Variants in LUZP2 observed in about 807,000 individuals in gnomAD.
The protein encoded by LUZP2 is leucine zipper protein 2.
LUZP2 carries 52 observed loss-of-function variants against 51.6 expected under a neutral mutation model. That is an observed-to-expected ratio of 1.01 (90% confidence interval 0.81 to 1.27). The LOEUF is 1.27. Ranked by LOEUF, LUZP2 falls within the 50% of genes most tolerant of loss-of-function variation. The pLI, the probability that LUZP2 is intolerant of heterozygous loss-of-function variation, is 0.00. For synonymous variants in LUZP2, 154 were observed against 137.3 expected, an observed-to-expected ratio of 1.12 and a Z score of -0.85; for missense variants, 436 against 395.4, an observed-to-expected ratio of 1.10 and a Z score of -0.87.
At chr11:24,907,310 A>C (rs1467985153) in intron 6 of LUZP2, among the ~76,000 whole-genome samples, 1 of 151,720 alleles carries the variant, frequency 6.6e-6, no homozygotes, top group Non-Finnish European at 1.5e-5. Context: ...AAAAAAAAAA[A>C]AAAAACATTA....
chr11:24,992,319 C>T (rs1343951522), intron 9 of LUZP2, among the ~76,000 whole-genome samples: 3 of 151,950 alleles, frequency 2.0e-5, no homozygotes, highest in African/African-American at 7.2e-5. Context: ...TTATTGTACT[C>T]TATTTTGGAA....
chr11:24,828,529 T>C (rs1850607356), intron 5 of LUZP2, among the ~76,000 whole-genome samples: 1 of 144,764 alleles, frequency 6.9e-6, no homozygotes, highest in African/African-American at 2.6e-5. Context: ...GCACTACAGA[T>C]ACCTTGCACA....
intron 1 of LUZP2, among the ~76,000 whole-genome samples, chr11:24,574,384 T>C (rs1375698128): frequency 2.1e-5 from 2 of 93,804 alleles, no homozygotes; most frequent in Non-Finnish European, 4.9e-5. Context: ...CTTCTTTTCT[T>C]CTTTCTTTCA....
intron 5 of LUZP2, among the ~76,000 whole-genome samples, chr11:24,895,723 G>T (rs1853020783): frequency 1.3e-5 from 2 of 152,220 alleles, no homozygotes; most frequent in Admixed American, 6.5e-5. Context: ...ATTCCATGGT[G>T]TATATGTACC....
At chr11:24,740,803 A>G (rs111769976) in intron 4 of LUZP2, among the ~76,000 whole-genome samples, 19 of 152,212 alleles carry the variant, frequency 1.2e-4, no homozygotes, top group African/African-American at 4.1e-4. Context: ...TAAGCAAGTC[A>G]TTTGATTTCT....
chr11:24,883,652 T>G (rs1309020527), intron 5 of LUZP2, among the ~76,000 whole-genome samples: 1 of 152,078 alleles, frequency 6.6e-6, no homozygotes, highest in Non-Finnish European at 1.5e-5. Flanking sequence ...AAGTTAGGTC[T>G]AAATTTATTC....
intron 5 of LUZP2, among the ~76,000 whole-genome samples, chr11:24,845,612 T>A (rs1224290712): frequency 6.6e-6 from 1 of 152,154 alleles, no homozygotes. Flanking sequence ...ACAATTCCCA[T>A]GTGTCAAGGA....
At position 24,872,993 on chromosome 11, in the gene LUZP2, A is replaced by T. The variant is rs78729106; in HGVS notation, c.397-32998A>T. Among the ~76,000 whole-genome samples the T allele has an allele frequency of 9.2e-4, 140 of 152,262 alleles. 3 individuals carry two copies. In the East Asian group the frequency reaches 0.027, roughly 29 times the overall value. ...AAAAATTGAAAATGCCTTGATTTTG[A>T]CTGTAAGGAGAAACACTATTAGAAA... On this transcript the variant is annotated intron_variant, in intron 5 of 11. Coordinates refer to ENST00000336930, the MANE Select transcript of LUZP2 (RefSeq NM_001009909.4).
intron 7 of LUZP2, 34 bp downstream of exon 7, chr11:24,914,572 G>T (rs748532773): frequency 7.0e-7 from 1 of 1,419,514 alleles, no homozygotes; most frequent in Non-Finnish European, 9.7e-7. Flanking sequence ...CCTGAAACTT[G>T]CTAGCTCAAT....
rs115639216 is a variant in LUZP2, at chr11:25,010,400, C to T, written c.765+27107C>T. ...GAAACCCTGTCTCTACTAAAAACTA[C>T]GAAATTGGCCAAGGGGATTCACCTG... On this transcript the variant is annotated intron_variant, in intron 9 of 11. Transcript: ENST00000336930. 5.3e-3 allele frequency among the ~76,000 whole-genome samples: 809 copies of T among 151,532 alleles called. 9 individuals carry two copies. The highest frequency in any genetic ancestry group is 0.018 in the African/African-American group (761 of 41,262).
At position 24,511,919 on chromosome 11, in the gene LUZP2, A is replaced by T. The variant is rs552692981; in HGVS notation, c.62+14614A>T. ...GCTAACCTCAGAATTACACTGTGAT[A>T]ATATGCACTAGTATCCACATATATT... On this transcript the variant is annotated intron_variant, in intron 1 of 11. Transcript: ENST00000336930. 2.0e-5 allele frequency among the ~76,000 whole-genome samples: 3 copies of T among 151,980 alleles called. No individual in the cohort carries two copies. In the South Asian group the frequency reaches 6.2e-4, roughly 32 times the overall value.
intron 1 of LUZP2, among the ~76,000 whole-genome samples, chr11:24,597,729 A>G (rs945498485): frequency 6.6e-6 from 1 of 152,154 alleles, no homozygotes; most frequent in African/African-American, 2.4e-5. Flanking sequence ...TCTGTCTCCC[A>G]TTGGTCTTAT....
At chr11:24,951,170 T>A (rs1855067128) in intron 7 of LUZP2, among the ~76,000 whole-genome samples, 1 of 151,726 alleles carries the variant, frequency 6.6e-6, no homozygotes, top group African/African-American at 2.4e-5. Context: ...TACTGAATGC[T>A]GGGTATCAGG....
intron 1 of LUZP2, among the ~76,000 whole-genome samples, chr11:24,642,823 G>T (rs892469064): frequency 6.6e-6 from 1 of 152,056 alleles, no homozygotes; most frequent in Non-Finnish European, 1.5e-5. Context: ...ATTACTAAGA[G>T]GATATATCAG....
intron 1 of LUZP2, among the ~76,000 whole-genome samples, chr11:24,549,987 G>A (rs1851677798): frequency 2.0e-5 from 3 of 151,958 alleles, no homozygotes; most frequent in African/African-American, 7.2e-5. Flanking sequence ...CATATCAACA[G>A]GAGAAAACCC....
At chr11:24,534,260 C>T (rs1335446346) in intron 1 of LUZP2, among the ~76,000 whole-genome samples, 2 of 150,818 alleles carry the variant, frequency 1.3e-5, no homozygotes, top group African/African-American at 4.9e-5. Flanking sequence ...TATACATATA[C>T]ATGCATATAA....
At chr11:24,654,567 A>G (rs898322432) in intron 1 of LUZP2, among the ~76,000 whole-genome samples, 5 of 151,898 alleles carry the variant, frequency 3.3e-5, no homozygotes, top group Non-Finnish European at 7.4e-5. Context: ...CAGTGGCGCG[A>G]TCTCTGCTCA....
chr11:24,837,858 A>T (rs4630293), intron 5 of LUZP2, among the ~76,000 whole-genome samples: 1 of 151,254 alleles, frequency 6.6e-6, no homozygotes, highest in Admixed American at 6.6e-5. Flanking sequence ...GCTAGTTATC[A>T]CTGTGAATGA....
At chr11:24,798,397 A>G (rs1263487261) in intron 5 of LUZP2, among the ~76,000 whole-genome samples, 2 of 152,086 alleles carry the variant, frequency 1.3e-5, no homozygotes, top group Non-Finnish European at 2.9e-5. Flanking sequence ...GAGGCACACT[A>G]TGTTGCTCAG....
Sources: allele counts gnomAD v4.1 joint callset (sites outside exome capture counted in the v4.1 genomes callset), GRCh38; gene constraint gnomAD v4.1.1; transcripts MANE v1.5; gene names NCBI Gene and HGNC (gene_info 2026-07-23, HGNC 2026-07-21).